Variants in WDR7 observed in about 807,000 individuals in gnomAD.
WDR7 encodes the protein WD repeat-containing protein 7.
WDR7 carries 46 observed loss-of-function variants against 169.4 expected under a neutral mutation model. The ratio of observed to expected loss-of-function variants is 0.27; its 90% CI spans 0.21 to 0.35. The LOEUF (loss-of-function observed/expected upper bound fraction) is 0.35. WDR7 is among the 10% of genes least tolerant of loss of function. WDR7 has a pLI of 1.00. For missense variants in WDR7, 1,534 were observed against 1,859.3 expected, an observed-to-expected ratio of 0.83 and a Z score of 3.22; for synonymous variants, 612 against 666.8, an observed-to-expected ratio of 0.92 and a Z score of 1.27.
chr18:57,010,219 T>C (rs1316579979), intron 26 of WDR7: 1 of 985,340 alleles, frequency 1.0e-6, no homozygotes, highest in East Asian at 1.1e-4. Context: ...ACATTTAGCT[T>C]TGGGTTTGCC....
At chr18:56,915,860 A>G (rs1003388029) in intron 21 of WDR7, among the ~76,000 whole-genome samples, 1 of 152,240 alleles carries the variant, frequency 6.6e-6, no homozygotes, top group Non-Finnish European at 1.5e-5. Context: ...ATTGGTTGCC[A>G]TTCAATCCAA....
intron 19 of WDR7, among the ~76,000 whole-genome samples, chr18:56,799,731 A>T (rs1198662320): frequency 6.6e-6 from 1 of 152,204 alleles, no homozygotes; most frequent in African/African-American, 2.4e-5. Context: ...ACACATTTTT[A>T]AAATGTGCTG....
At chr18:56,954,404 T>G (rs980141657) in intron 25 of WDR7, among the ~76,000 whole-genome samples, 1 of 152,180 alleles carries the variant, frequency 6.6e-6, no homozygotes, top group African/African-American at 2.4e-5. Context: ...AGGTAAGCCA[T>G]TTCTACTGAC....
At chr18:56,671,346 T>A (rs2025131226) in intron 1 of WDR7, among the ~76,000 whole-genome samples, 1 of 149,664 alleles carries the variant, frequency 6.7e-6, no homozygotes, top group African/African-American at 2.5e-5. Context: ...TGGAGTGCAA[T>A]GGTGCGATCT....
chr18:56,794,304 ATTTTTTTTT>A (rs566857049), intron 19 of WDR7, among the ~76,000 whole-genome samples: 4 of 49,466 alleles, frequency 8.1e-5, no homozygotes, highest in South Asian at 1.2e-3. Context: ...GGTAAAGTCT[ATTTTTTTTT>A]TTTTTTTTTT....
chr18:56,696,483 G>T (rs1439052837), intron 12 of WDR7, 21 bp downstream of exon 12: 2 of 1,583,390 alleles, frequency 1.3e-6, no homozygotes, highest in South Asian at 2.3e-5. Flanking sequence ...TTATATAAAA[G>T]ATTATTTCAC....
At chr18:56,924,144 G>T (rs761242622) in intron 22 of WDR7, 36 bp downstream of exon 22, 36 of 1,599,710 alleles carry the variant, frequency 2.3e-5, no homozygotes, top group Admixed American at 8.8e-5. Context: ...ATTTGTCACT[G>T]TTTTTTGTTT....
rs550597610 is a variant in WDR7, at chr18:56,821,801, C to G, written c.3304+5657C>G. Among the ~76,000 whole-genome samples the G allele has an allele frequency of 1.9e-4, 29 of 151,724 alleles. 1 individual carries two copies. The South Asian group carries it at 5.4e-3, about 28-fold the overall frequency. On this transcript the variant is annotated intron_variant, in intron 20 of 27. Coordinates refer to ENST00000254442, the MANE Select transcript of WDR7 (RefSeq NM_015285.3). Reference sequence around the variant, plus strand: ...CTTGAGGCCAGGCATTTGAGACTATCCTACACAACAGGGAGATACCCTATC... The same window carrying G: ...CTTGAGGCCAGGCATTTGAGACTATGCTACACAACAGGGAGATACCCTATC...
chr18:56,797,686 GT>G (rs1236770849), intron 19 of WDR7, among the ~76,000 whole-genome samples: 1 of 151,912 alleles, frequency 6.6e-6, no homozygotes, highest in African/African-American at 2.4e-5. Context: ...TAGAATCATA[GT>G]TTTCCCCATT....
intron 25 of WDR7, among the ~76,000 whole-genome samples, chr18:56,949,932 A>G (rs2047158088): frequency 6.6e-6 from 1 of 152,222 alleles, no homozygotes; most frequent in Admixed American, 6.5e-5. Flanking sequence ...GGCTTCCAAA[A>G]TTCTTATTTT....
chr18:57,001,156 A>G (rs1230462940), intron 26 of WDR7, among the ~76,000 whole-genome samples: 3 of 152,144 alleles, frequency 2.0e-5, no homozygotes, highest in African/African-American at 7.2e-5. Flanking sequence ...ATCCTGAATC[A>G]ATAGCTAGTA....
intron 25 of WDR7, among the ~76,000 whole-genome samples, chr18:56,943,737 T>A (rs2047063368): frequency 6.6e-6 from 1 of 152,152 alleles, no homozygotes; most frequent in Non-Finnish European, 1.5e-5. Context: ...TCTTCACATC[T>A]AAAGCTGTAT....
In WDR7 at chr18:56,686,414, G is replaced by A. The variant is rs557490415; in HGVS notation, c.597+382G>A. On this transcript the variant is annotated intron_variant, in intron 6 of 27. Coordinates refer to ENST00000254442, the MANE Select transcript of WDR7 (RefSeq NM_015285.3). ...TTTTAGTCATCTATTTCAGTTCTTT[G>A]GGCTTGAATTCCTTGTTCTTTTTTT... Among the ~76,000 whole-genome samples the A allele has an allele frequency of 9.9e-4, 150 of 152,002 alleles. 1 individual carries two copies. Among genetic ancestry groups the A allele is most frequent in the African/African-American group, 3.4e-3 (143 of 41,470 alleles).
chr18:56,693,079 T>A (rs527977525), intron 9 of WDR7, among the ~76,000 whole-genome samples: 2 of 152,160 alleles, frequency 1.3e-5, no homozygotes, highest in East Asian at 3.9e-4. Context: ...GCAAAAAAAA[T>A]TCAGTAAGTA....
chr18:57,011,889 G>A (rs2048141884), intron 26 of WDR7, among the ~76,000 whole-genome samples: 1 of 152,214 alleles, frequency 6.6e-6, no homozygotes, highest in Admixed American at 6.5e-5. Context: ...CGTCCCAAGT[G>A]AGAAAGAAAC....
intron 19 of WDR7, among the ~76,000 whole-genome samples, chr18:56,814,763 C>T (rs2044934977): frequency 6.6e-6 from 1 of 151,876 alleles, no homozygotes; most frequent in Non-Finnish European, 1.5e-5. Context: ...ATATAGCAAA[C>T]CTGCACATGT....
chr18:56,668,810 TG>T (rs2025073663), intron 1 of WDR7, among the ~76,000 whole-genome samples: 1 of 152,120 alleles, frequency 6.6e-6, no homozygotes, highest in South Asian at 2.1e-4. Flanking sequence ...GGTATTAACC[TG>T]TTGGAAAGTC....
chr18:56,731,328 A>C (rs2026581704), intron 13 of WDR7, 55 bp from the exon 14 acceptor site: 1 of 1,565,260 alleles, frequency 6.4e-7, no homozygotes, highest in South Asian at 1.2e-5. Context: ...CTTTACTTAA[A>C]CTATTCAAAA....
chr18:56,962,540 C>A lies in WDR7; in HGVS notation c.4164+11C>A. 2 of 1,610,236 alleles carry A rather than the reference C, an allele frequency of 1.2e-6. No individual in the cohort carries two copies. The highest frequency in any genetic ancestry group is 1.7e-6 in the Non-Finnish European group (2 of 1,177,000). On this transcript the variant is annotated intron_variant, in intron 26 of 27. Coordinates refer to ENST00000254442, the MANE Select transcript of WDR7 (RefSeq NM_015285.3). ...ACTGGAAAATGTCAGGTAAATAAAT[C>A]ATTGTGACTTCCTCTCCATAAAGCG...
Sources: gnomAD v4.1 joint callset for allele counts (sites outside exome capture counted in the v4.1 genomes callset) on GRCh38, gnomAD v4.1.1 for gene constraint, MANE v1.5 for transcripts, NCBI Gene and HGNC (gene_info 2026-07-23, HGNC 2026-07-21) for gene names.